The following NAPA variants were observed in gnomAD, a reference collection of about 807,000 sequenced individuals.
NAPA encodes the protein NSF attachment protein alpha.
In NAPA, 18 loss-of-function variants were observed where a neutral mutation model predicts 48.0. The ratio of observed to expected loss-of-function variants is 0.38; its 90% CI spans 0.26 to 0.56. The LOEUF (loss-of-function observed/expected upper bound fraction) is 0.56, where lower values mean the gene tolerates loss of function less well. NAPA is among the 20% of genes least tolerant of loss of function. The probability of loss-of-function intolerance (pLI) is 0.77; values close to 1 mark genes in which losing one functional copy is unlikely to be tolerated. For synonymous variants in NAPA, 152 were observed against 149.9 expected (o/e 1.01, Z -0.10); for missense variants, 315 against 385.0 (o/e 0.82, Z 1.52).
intron 3 of NAPA, among the ~76,000 whole-genome samples, chr19:47,499,586 C>T (rs1458226461): frequency 1.3e-5 from 2 of 152,268 alleles, no homozygotes; most frequent in Non-Finnish European, 2.9e-5. Flanking sequence ...TGAGCCCCAC[C>T]ATGTGACCAC....
At chr19:47,485,491 A>G (rs536960684), downstream of NAPA, among the ~76,000 whole-genome samples, 2 of 152,330 alleles carry the variant, frequency 1.3e-5, no homozygotes, top group East Asian at 1.9e-4. Flanking sequence ...TATCATTTCC[A>G]GAAGACATGG....
Position 47,503,350 on chromosome 19 carries a change from G to C in NAPA, c.178+73C>G, listed in dbSNP as rs191175732. 6.9e-4 allele frequency: 966 copies of C among 1,395,264 alleles called. 4 individuals are homozygous for C. In the African/African-American group the frequency reaches 0.011, roughly 16 times the overall value. 86.4% of individuals were successfully genotyped at this position (1,395,264 alleles called of 1,614,324 possible). Reference sequence around the variant, plus strand: ...AAAGGGCCCTCAAGGCCAACCTCTCGGGCAGGCCTGTGTGAGTGGAAGCTG... The same window carrying C: ...AAAGGGCCCTCAAGGCCAACCTCTCCGGCAGGCCTGTGTGAGTGGAAGCTG... On this transcript the variant is annotated intron_variant, in intron 2 of 10. Transcript: ENST00000263354.
intron 3 of NAPA, among the ~76,000 whole-genome samples, chr19:47,497,923 C>T (rs993725115): frequency 3.3e-5 from 5 of 152,212 alleles, no homozygotes; most frequent in African/African-American, 1.2e-4. Flanking sequence ...CACACTGCCC[C>T]CACCCCCAAC....
Position 47,488,113 on chromosome 19 carries a change from G to A in NAPA, c.*175C>T, listed in dbSNP as rs775151760. 13 of 588,812 alleles carry A rather than the reference G, an allele frequency of 2.2e-5. No homozygotes were observed. Among genetic ancestry groups the A allele is most frequent in the Middle Eastern group, 4.6e-4 (1 of 2,176 alleles). The allele number at this position is 588,812 out of a possible 1,614,324, so 36.5% of individuals were successfully genotyped here. ...TAGCGAGAACAGAGGGTGACTGTCC[G>A]GCCAGCAGCCTGGGCCTCTGGCGCC... is the stretch of plus-strand genomic sequence containing the variant. On this transcript the variant is annotated 3_prime_UTR_variant, in exon 11 of 11. Coordinates refer to ENST00000263354, the MANE Select transcript of NAPA (RefSeq NM_003827.4).
intron 1 of NAPA, among the ~76,000 whole-genome samples, chr19:47,511,949 T>G (rs1423940196): frequency 6.6e-6 from 1 of 152,158 alleles, no homozygotes; most frequent in East Asian, 1.9e-4. Context: ...TGGGCCTCCC[T>G]TAGCCTCCTC....
intron 1 of NAPA, 60 bp from the exon 2 acceptor site, chr19:47,503,562 G>C (rs1968630128): frequency 1.8e-5 from 27 of 1,524,280 alleles, no homozygotes; most frequent in Non-Finnish European, 2.5e-5. Context: ...GAGAAAGCAA[G>C]CATTCTGCTC....
chr19:47,509,605 A>G lies in NAPA; in HGVS notation c.98+5238T>C, dbSNP rs1171379056. On this transcript the variant is annotated intron_variant, in intron 1 of 10. Coordinates refer to ENST00000263354, the MANE Select transcript of NAPA (RefSeq NM_003827.4). Reference sequence around the variant, plus strand: ...TCAGGCCCCGCAGAGGACCGATTCCAGGCACGCTTCCCTACTTCAGAATAG... The same window carrying G: ...TCAGGCCCCGCAGAGGACCGATTCCGGGCACGCTTCCCTACTTCAGAATAG... Among the ~76,000 whole-genome samples the G allele has an allele frequency of 2.6e-5, 4 of 152,294 alleles. 1 individual carries two copies. The highest frequency in any genetic ancestry group is 2.6e-4 in the Admixed American group (4 of 15,294).
downstream of NAPA, among the ~76,000 whole-genome samples, chr19:47,486,649 A>G (rs1486980471): frequency 6.6e-6 from 1 of 152,224 alleles, no homozygotes; most frequent in East Asian, 1.9e-4. Context: ...AGGGCGGACC[A>G]TCACTGATTT....
intron 3 of NAPA, chr19:47,495,987 G>A (rs1377683376): frequency 4.9e-6 from 1 of 202,786 alleles, no homozygotes; most frequent in Non-Finnish European, 1.0e-5. Context: ...TTGAAGGACT[G>A]AGCTGCTGGC....
At chr19:47,489,636 C>T (rs1273880767) in intron 10 of NAPA, 75 bp downstream of exon 10, 18 of 1,498,172 alleles carry the variant, frequency 1.2e-5, no homozygotes, top group East Asian at 2.3e-5. Flanking sequence ...TCATGGAGAG[C>T]GTGTCTGAGA....
At chr19:47,484,706 ATTTTTTT>A (rs35425298), downstream of NAPA, among the ~76,000 whole-genome samples, 4 of 129,174 alleles carry the variant, frequency 3.1e-5, no homozygotes, top group African/African-American at 1.2e-4. Flanking sequence ...ACAGTTCACT[ATTTTTTT>A]TTTTTTTTTT....
chr19:47,508,307 GGCTCA>G (rs1190759035), intron 1 of NAPA, among the ~76,000 whole-genome samples: 3 of 152,236 alleles, frequency 2.0e-5, no homozygotes, highest in Non-Finnish European at 1.5e-5. Flanking sequence ...AGCTGCCAGA[GGCTCA>G]GCATCCTGAA....
chr19:47,485,244 A>G (rs149678678), downstream of NAPA, among the ~76,000 whole-genome samples: 551 of 152,262 alleles, frequency 3.6e-3, 1 homozygote, highest in Middle Eastern at 6.8e-3. Flanking sequence ...GTCCTTTGCA[A>G]ATCTGTCTCA....
At chr19:47,505,859 C>T (rs1266425725) in intron 1 of NAPA, among the ~76,000 whole-genome samples, 3 of 152,080 alleles carry the variant, frequency 2.0e-5, no homozygotes, top group Non-Finnish European at 4.4e-5. Flanking sequence ...GATGCTGTCC[C>T]CCACCCTCTG....
At position 47,500,657 on chromosome 19, in the gene NAPA, C is replaced by G; in HGVS notation, c.271G>C (p.Ala91Pro). 1 of 1,610,266 alleles carries G rather than the reference C, an allele frequency of 6.2e-7. No homozygotes were observed. The highest frequency in any genetic ancestry group is 8.5e-7 in the Non-Finnish European group (1 of 1,178,254). Reference sequence around the variant, plus strand: ...CCTTGGGGGTCGGCTTTCTTGAATGCGTTGCCAGCGTCCACAAAGCAGGTG... The same window carrying G: ...CCTTGGGGGTCGGCTTTCTTGAATGGGTTGCCAGCGTCCACAAAGCAGGTG... ...AATCFVDAGN[A>P]FKKADPQEAI... Residue 91 changes from alanine to proline, a missense_variant, in exon 3 of 11, where the codon GCA (alanine) becomes CCA (proline). This residue lies in a region of NAPA where 173 missense variants were observed against 213.5 expected (regional missense o/e 0.81). Transcript: ENST00000263354.
intron 10 of NAPA, 40 bp from the exon 11 acceptor site, chr19:47,488,429 CG>C: frequency 3.3e-6 from 5 of 1,532,324 alleles, no homozygotes; most frequent in Non-Finnish European, 4.5e-6. Flanking sequence ...ATGCTCCCCC[CG>C]TTCCCAACCC....
chr19:47,488,201 A>G lies in NAPA; in HGVS notation c.*87T>C. On this transcript the variant is annotated 3_prime_UTR_variant, in exon 11 of 11. Transcript: ENST00000263354. ...GCCCGCGGCACTCCCCAGATGGGAA[A>G]GGAGGGAAGCTCTCCAGCAAGTCTC... The G allele has an allele frequency of 7.6e-7, 1 of 1,307,980 alleles. No individual in the cohort carries two copies. Among genetic ancestry groups the G allele is most frequent in the Non-Finnish European group, 1.1e-6 (1 of 932,768 alleles). 81.0% of individuals were successfully genotyped at this position (1,307,980 alleles called of 1,614,324 possible). A position where few individuals can be genotyped will look rare whatever the true frequency, so the allele number is the denominator to read the frequency against.
chr19:47,504,707 GTA>G (rs963773731), intron 1 of NAPA, among the ~76,000 whole-genome samples: 1 of 151,712 alleles, frequency 6.6e-6, no homozygotes, highest in African/African-American at 2.4e-5. Flanking sequence ...ATATATGTGT[GTA>G]TATATCTATA....
intron 2 of NAPA, 85 bp downstream of exon 2, chr19:47,503,337 AG>A: frequency 7.7e-7 from 1 of 1,294,112 alleles, no homozygotes; most frequent in Non-Finnish European, 1.1e-6. Flanking sequence ...AGGGCCCTCA[AG>A]GCCAACCTCT....
Sources: gnomAD v4.1 joint callset for allele counts (sites outside exome capture counted in the v4.1 genomes callset) on GRCh38, gnomAD v4.1.1 for gene constraint, gnomAD v4.1.1 regional missense constraint, MANE v1.5 for transcripts, NCBI Gene and HGNC (gene_info 2026-07-23, HGNC 2026-07-21) for gene names.